ANXA3: variants seen among roughly 807,000 people sequenced by gnomAD.
ANXA3 encodes the protein annexin A3, also known as 35-alpha calcimedin.
Under a neutral mutation model 48.8 loss-of-function variants are expected in ANXA3, and 46 were observed. That is an observed-to-expected ratio of 0.94 (90% CI 0.74 to 1.21). The LOEUF (loss-of-function observed/expected upper bound fraction) is 1.21, where lower values mean the gene tolerates loss of function less well. Among genes scored for constraint, ANXA3 ranks in the 50% most tolerant of loss-of-function variants. The probability of loss-of-function intolerance (pLI) is 0.00; values close to 1 mark genes in which losing one functional copy is unlikely to be tolerated. For synonymous variants in ANXA3, 128 were observed against 134.7 expected, an observed-to-expected ratio of 0.95 and a Z score of 0.35; for missense variants, 383 against 378.6, an observed-to-expected ratio of 1.01 and a Z score of -0.10.
Position 78,555,688 on chromosome 4 carries a change from A to AC in ANXA3, c.15+1200_15+1201insC, listed in dbSNP as rs1251141652. On this transcript the variant is annotated intron_variant, in intron 2 of 12. Transcript: ENST00000264908. Reference sequence around the variant, plus strand: ...ACCCAGTCTCTTAAAAAAAAAAAAAAAAAACTTTAAAAATTAGCTGAACGT... The same window carrying AC: ...ACCCAGTCTCTTAAAAAAAAAAAAAACAAAACTTTAAAAATTAGCTGAACGT... Among the ~76,000 whole-genome samples, 822 of 149,740 alleles carry AC rather than the reference A, an allele frequency of 5.5e-3. 2 individuals carry two copies. The highest frequency in any genetic ancestry group is 0.01 in the African/African-American group (415 of 40,954).
chr4:78,605,627 T>C (rs1045857357), intron 12 of ANXA3, among the ~76,000 whole-genome samples: 1 of 152,206 alleles, frequency 6.6e-6, no homozygotes, highest in Admixed American at 6.5e-5. Context: ...TTCACAGTAT[T>C]TTAGTTTTTA....
At chr4:78,578,658 T>C (rs112241452) in intron 3 of ANXA3, among the ~76,000 whole-genome samples, 1 of 152,080 alleles carries the variant, frequency 6.6e-6, no homozygotes, top group African/African-American at 2.4e-5. Flanking sequence ...AGAAATATTT[T>C]GATATCAAGT....
chr4:78,600,472 T>C (rs1159209019), intron 10 of ANXA3, among the ~76,000 whole-genome samples: 2 of 152,226 alleles, frequency 1.3e-5, no homozygotes, highest in Admixed American at 6.5e-5. Context: ...GGCATCATTA[T>C]TTTTTATCAA....
intron 2 of ANXA3, among the ~76,000 whole-genome samples, chr4:78,569,772 C>G (rs1203885346): frequency 6.6e-6 from 1 of 152,170 alleles, no homozygotes; most frequent in East Asian, 1.9e-4. Context: ...GATGAACTCC[C>G]TCGAGGCATT....
At chr4:78,573,068 G>A (rs1560443319) in intron 2 of ANXA3, 112 bp from the exon 3 acceptor site, 1 of 831,970 alleles carries the variant, frequency 1.2e-6, no homozygotes, top group East Asian at 2.5e-5. Flanking sequence ...GTAGGAAGGT[G>A]TGCGAATTAT....
At chr4:78,567,039 C>T (rs1446190269) in intron 2 of ANXA3, among the ~76,000 whole-genome samples, 2 of 152,114 alleles carry the variant, frequency 1.3e-5, no homozygotes, top group Admixed American at 6.5e-5. Flanking sequence ...AGCATGCCTG[C>T]GGTGGTGGTG....
chr4:78,591,509 T>C, intron 6 of ANXA3, 35 bp from the exon 7 acceptor site: 1 of 1,436,484 alleles, frequency 7.0e-7, no homozygotes, highest in African/African-American at 1.4e-5. Flanking sequence ...TTTTTCAGTT[T>C]GTCAAGGCTT....
chr4:78,565,709 T>A (rs1271297347), intron 2 of ANXA3, among the ~76,000 whole-genome samples: 1 of 152,216 alleles, frequency 6.6e-6, no homozygotes, highest in Non-Finnish European at 1.5e-5. Context: ...GGACCCTCTT[T>A]TTTCTCCTCT....
intron 12 of ANXA3, among the ~76,000 whole-genome samples, chr4:78,607,784 A>G (rs1723681582): frequency 6.6e-6 from 1 of 152,194 alleles, no homozygotes; most frequent in Non-Finnish European, 1.5e-5. Flanking sequence ...TTGGGGTTAG[A>G]GAAATGGGTC....
intron 1 of ANXA3, among the ~76,000 whole-genome samples, chr4:78,553,704 C>T (rs1449461217): frequency 6.6e-6 from 1 of 152,158 alleles, no homozygotes; most frequent in Non-Finnish European, 1.5e-5. Context: ...TTTCCAGAGA[C>T]TAATAGTGTA....
intron 6 of ANXA3, 102 bp downstream of exon 6, chr4:78,586,452 G>A: frequency 3.7e-6 from 3 of 800,712 alleles, no homozygotes; most frequent in Non-Finnish European, 6.0e-6. Flanking sequence ...ATTTTGAGAA[G>A]ACAAGACTTA....
At chr4:78,557,541 A>C (rs1296746053) in intron 2 of ANXA3, among the ~76,000 whole-genome samples, 1 of 152,184 alleles carries the variant, frequency 6.6e-6, no homozygotes, top group South Asian at 2.1e-4. Context: ...GTATGGCTAC[A>C]TCAGGGATGG....
At chr4:78,600,484 C>G (rs1185403188) in intron 10 of ANXA3, among the ~76,000 whole-genome samples, 1 of 152,048 alleles carries the variant, frequency 6.6e-6, no homozygotes, top group Non-Finnish European at 1.5e-5. Flanking sequence ...TTTTATCAAG[C>G]TATTATGGCT....
intron 4 of ANXA3, among the ~76,000 whole-genome samples, chr4:78,579,464 C>G (rs77276257): frequency 0.04 from 6,068 of 152,274 alleles, 419 homozygotes; most frequent in African/African-American, 0.14. Context: ...GGGAGTACTT[C>G]TAGCATGTAG....
chr4:78,556,383 G>T (rs917624087), intron 2 of ANXA3, among the ~76,000 whole-genome samples: 2 of 152,000 alleles, frequency 1.3e-5, no homozygotes, highest in African/African-American at 4.8e-5. Context: ...CTGTTTAAAA[G>T]AAAGAACAAA....
chr4:78,605,915 G>T (rs928402704), intron 12 of ANXA3, among the ~76,000 whole-genome samples: 2 of 152,256 alleles, frequency 1.3e-5, no homozygotes, highest in Non-Finnish European at 2.9e-5. Flanking sequence ...GAACTAAGGG[G>T]CTAGCCCCAC....
intron 5 of ANXA3, among the ~76,000 whole-genome samples, chr4:78,582,669 A>G (rs142697480): frequency 2.0e-5 from 3 of 152,224 alleles, no homozygotes; most frequent in African/African-American, 7.2e-5. Context: ...TTACTTCAAA[A>G]TCCATTATAA....
intron 2 of ANXA3, among the ~76,000 whole-genome samples, chr4:78,555,668 G>A (rs1391826383): frequency 6.7e-6 from 1 of 148,218 alleles, no homozygotes; most frequent in African/African-American, 2.6e-5. Flanking sequence ...GCAAGACCCA[G>A]TCTCTTAAAA....
chr4:78,562,946 C>T (rs148847856), intron 2 of ANXA3, among the ~76,000 whole-genome samples: 37 of 151,866 alleles, frequency 2.4e-4, no homozygotes, highest in East Asian at 3.9e-4. Flanking sequence ...AAGATTCCCA[C>T]GAAGCAAAAA....
Sources: gnomAD v4.1 joint callset for allele counts (sites outside exome capture counted in the v4.1 genomes callset) on GRCh38, gnomAD v4.1.1 for gene constraint, MANE v1.5 for transcripts, NCBI Gene and HGNC (gene_info 2026-07-23, HGNC 2026-07-21) for gene names.